SORCS2: variants seen among roughly 807,000 people sequenced by gnomAD.
The protein encoded by SORCS2 is sortilin related VPS10 domain containing receptor 2, also known as VPS10 domain-containing receptor SorCS2.
A neutral mutation model predicts 141.6 loss-of-function variants in SORCS2; 100 were observed. The ratio of observed to expected loss-of-function variants is 0.71; its 90% CI spans 0.60 to 0.83. The LOEUF (loss-of-function observed/expected upper bound fraction) is 0.83. Ranked by LOEUF, SORCS2 falls within the 40% of genes least tolerant of loss-of-function variation. The pLI is 0.00. For synonymous variants in SORCS2, 789 were observed against 676.9 expected (o/e 1.17, Z -2.57); for missense variants, 1,646 against 1,560.2 (o/e 1.05, Z -0.93).
At chr4:7,469,033 C>G (rs1032242541) in intron 2 of SORCS2, among the ~76,000 whole-genome samples, 1 of 152,062 alleles carries the variant, frequency 6.6e-6, no homozygotes, top group South Asian at 2.1e-4. Context: ...AGGAACACTC[C>G]TAAAGTGCTT....
At chr4:7,530,341 G>T (rs7663061) in intron 2 of SORCS2, among the ~76,000 whole-genome samples, 142 of 152,330 alleles carry the variant, frequency 9.3e-4, no homozygotes, top group African/African-American at 3.1e-3. Context: ...TGAGGCAGGA[G>T]CACTGAAGCC....
intron 2 of SORCS2, among the ~76,000 whole-genome samples, chr4:7,529,748 C>T (rs960359772): frequency 2.0e-5 from 3 of 152,184 alleles, no homozygotes; most frequent in African/African-American, 7.2e-5. Context: ...GATCGATCCT[C>T]TGCTAATGGG....
intron 11 of SORCS2, among the ~76,000 whole-genome samples, chr4:7,693,742 G>A (rs1350935159): frequency 1.3e-5 from 2 of 152,250 alleles, no homozygotes; most frequent in Non-Finnish European, 2.9e-5. Context: ...TTGACTCAGG[G>A]AACTGAGTCT....
At chr4:7,629,794 C>A (rs887810123) in intron 3 of SORCS2, among the ~76,000 whole-genome samples, 3 of 152,070 alleles carry the variant, frequency 2.0e-5, no homozygotes, top group Non-Finnish European at 4.4e-5. Flanking sequence ...ACCTCAGGAA[C>A]CTCAGCAGCT....
intron 5 of SORCS2, among the ~76,000 whole-genome samples, chr4:7,654,821 C>T (rs1032736967): frequency 2.6e-4 from 40 of 152,308 alleles, no homozygotes; most frequent in African/African-American, 9.4e-4. Context: ...CCTGAGGAGC[C>T]AGACCCGAGA....
At chr4:7,659,502 T>C (rs981848255) in intron 5 of SORCS2, among the ~76,000 whole-genome samples, 1 of 151,736 alleles carries the variant, frequency 6.6e-6, no homozygotes, top group Non-Finnish European at 1.5e-5. Context: ...AGCCAGGTGG[T>C]GAATGGATGG....
At chr4:7,321,521 C>G (rs17756479) in intron 1 of SORCS2, among the ~76,000 whole-genome samples, 34,659 of 152,188 alleles carry the variant, frequency 0.23, 4,375 homozygotes, top group Non-Finnish European at 0.29. Context: ...TCCCGGGACT[C>G]TTTCTGGCAC....
chr4:7,612,868 G>A (rs1444246868), intron 3 of SORCS2, among the ~76,000 whole-genome samples: 78 of 152,120 alleles, frequency 5.1e-4, no homozygotes, highest in Non-Finnish European at 1.5e-5. Flanking sequence ...GCTTAGCTTT[G>A]GAGGGGACAG....
intron 2 of SORCS2, among the ~76,000 whole-genome samples, chr4:7,465,004 G>T (rs1273104345): frequency 6.6e-6 from 1 of 152,242 alleles, no homozygotes; most frequent in Non-Finnish European, 1.5e-5. Context: ...AGTGCTGGGG[G>T]TTCTGCCCAG....
rs531446817 is a variant in SORCS2, at chr4:7,733,324, G to T, written c.3111G>T (p.Arg1037Ser). ...TRKRSLSSDK[R>S]LAAIQQVLNA... ...CACTGTCCCCTCTGTGCTTGCAGAG[G>T]CTCGCCGCCATCCAGCAGGTGCTGA... is the stretch of plus-strand genomic sequence containing the variant. Residue 1037 changes from arginine to serine, a missense_variant and splice_region_variant, in exon 24 of 27, where the codon AGG (arginine) becomes AGT (serine). Arg to Ser is a moderately radical substitution (Grantham distance 110). Coordinates refer to ENST00000507866, the MANE Select transcript of SORCS2 (RefSeq NM_020777.3). 16 of 1,546,352 alleles carry T rather than the reference G, an allele frequency of 1.0e-5. No homozygotes were observed. The Admixed American group carries it at 2.4e-4, about 23-fold the overall frequency.
rs939881035 is a variant in SORCS2 at position 7,625,990 on chromosome 4, A to C, written c.649-12338A>C. 2.6e-5 allele frequency among the ~76,000 whole-genome samples: 4 copies of C among 151,986 alleles called. No homozygotes were observed. In the East Asian group the frequency reaches 7.7e-4, roughly 29 times the overall value. ...CCTGTCTCTACAAAAAAATTAAACA[A>C]AATTAGCCAGGCATGGTGGTACACA... On this transcript the variant is annotated intron_variant, in intron 3 of 26. Transcript: ENST00000507866.
chr4:7,638,196 C>A, intron 3 of SORCS2, 132 bp from the exon 4 acceptor site: 2 of 1,157,634 alleles, frequency 1.7e-6, no homozygotes, highest in Non-Finnish European at 2.4e-6. Context: ...GAGGCACACC[C>A]GGCCCAGGCC....
At chr4:7,493,095 AC>A (rs1407176193) in intron 2 of SORCS2, among the ~76,000 whole-genome samples, 4 of 152,180 alleles carry the variant, frequency 2.6e-5, no homozygotes, top group African/African-American at 9.7e-5. Flanking sequence ...TTCTGAGGTC[AC>A]CATGCCCATC....
intron 1 of SORCS2, among the ~76,000 whole-genome samples, chr4:7,227,038 C>A (rs573138410): frequency 6.6e-6 from 1 of 152,192 alleles, no homozygotes; most frequent in Non-Finnish European, 1.5e-5. Flanking sequence ...CACCAGCACA[C>A]CTGCTCTTAT....
intron 2 of SORCS2, among the ~76,000 whole-genome samples, chr4:7,528,449 G>A (rs966669114): frequency 2.1e-4 from 32 of 151,840 alleles, no homozygotes; most frequent in Middle Eastern, 3.4e-3. Flanking sequence ...GTTTTTAGAC[G>A]GAGTCTTGCT....
rs200786292 is a variant in SORCS2 at position 7,710,336 on chromosome 4, AG to A, written c.1869-2392del. Among the ~76,000 whole-genome samples, 876 of 152,206 alleles carry A rather than the reference AG, an allele frequency of 5.8e-3. 6 individuals carry two copies. Among genetic ancestry groups the A allele is most frequent in the African/African-American group, 0.02 (833 of 41,530 alleles). ...CAGCCTCAGTTTCCTTGTCTGTAAAAGGGGGCTTGGCAAGGAGGAAATGGGG... is the reference window on the plus strand; with the variant it reads ...CAGCCTCAGTTTCCTTGTCTGTAAAAGGGGCTTGGCAAGGAGGAAATGGGG... On this transcript the variant is annotated intron_variant, in intron 14 of 26. Coordinates refer to ENST00000507866, the MANE Select transcript of SORCS2 (RefSeq NM_020777.3).
At chr4:7,348,797 C>T (rs1344749031) in intron 1 of SORCS2, among the ~76,000 whole-genome samples, 1 of 152,182 alleles carries the variant, frequency 6.6e-6, no homozygotes, top group Admixed American at 6.5e-5. Flanking sequence ...AGGTGATCCA[C>T]CCACGTCAGT....
intron 1 of SORCS2, among the ~76,000 whole-genome samples, chr4:7,393,327 G>T (rs1339247039): frequency 1.3e-5 from 2 of 152,114 alleles, no homozygotes; most frequent in East Asian, 1.9e-4. Flanking sequence ...AGATCAAAGA[G>T]CCCCAAGGCT....
chr4:7,318,965 A>G (rs55727267), intron 1 of SORCS2, among the ~76,000 whole-genome samples: 17,041 of 152,236 alleles, frequency 0.11, 1,265 homozygotes, highest in South Asian at 0.26. Context: ...CCAGGACGCC[A>G]GGTAAGTGGA....
Sources: allele counts gnomAD v4.1 joint callset (sites outside exome capture counted in the v4.1 genomes callset), GRCh38; gene constraint gnomAD v4.1.1; transcripts MANE v1.5; gene names NCBI Gene and HGNC (gene_info 2026-07-23, HGNC 2026-07-21).